Variants in ARIH2 observed in about 807,000 individuals in gnomAD.
ARIH2 encodes the protein E3 ubiquitin-protein ligase ARIH2.
ARIH2 carries 12 observed loss-of-function variants against 79.8 expected under a neutral mutation model. That is an observed-to-expected ratio of 0.15 (90% CI 0.10 to 0.24). The LOEUF is 0.24. ARIH2 is among the 10% of genes least tolerant of loss of function. ARIH2 has a pLI of 1.00. For synonymous variants in ARIH2, 224 were observed against 213.9 expected (o/e 1.05, Z -0.41); for missense variants, 301 against 618.3 (o/e 0.49, Z 5.44).
intron 3 of ARIH2, among the ~76,000 whole-genome samples, chr3:48,930,016 A>G (rs2086158673): frequency 2.0e-5 from 3 of 152,206 alleles, no homozygotes; most frequent in South Asian, 2.1e-4. Context: ...GCAAAGAGGA[A>G]AATAATCCAC....
chr3:48,924,466 G>A lies in ARIH2; in HGVS notation c.-98+1655G>A, dbSNP rs537972140. On this transcript the variant is annotated intron_variant, in intron 2 of 15. Transcript: ENST00000356401. ...ACCTTCCAGGCCCAAGCAGTTCTTC[G>A]ATGTAGCCAGGACTACAGACGCATG... 2.2e-4 allele frequency among the ~76,000 whole-genome samples: 33 copies of A among 151,034 alleles called. No homozygotes were observed. The South Asian group carries it at 2.7e-3, about 13-fold the overall frequency.
intron 11 of ARIH2, among the ~76,000 whole-genome samples, chr3:48,976,528 C>T (rs1321337490): frequency 6.6e-6 from 1 of 152,096 alleles, no homozygotes; most frequent in Non-Finnish European, 1.5e-5. Flanking sequence ...CCCTCTCAAT[C>T]AGAGTGGTCA....
At chr3:48,981,385 C>G (rs2092746672) in intron 13 of ARIH2, among the ~76,000 whole-genome samples, 2 of 152,028 alleles carry the variant, frequency 1.3e-5, no homozygotes, top group African/African-American at 4.8e-5. Context: ...TGTGTTGACT[C>G]TGATGTCCTA....
chr3:48,949,242 T>C, intron 3 of ARIH2: 1 of 378,206 alleles, frequency 2.6e-6, no homozygotes, highest in Non-Finnish European at 5.3e-6. Context: ...CTCAGCCTCC[T>C]GAGTAGCTGG....
intron 11 of ARIH2, among the ~76,000 whole-genome samples, chr3:48,976,506 C>T (rs546536627): frequency 2.6e-5 from 4 of 152,232 alleles, no homozygotes; most frequent in East Asian, 1.9e-4. Flanking sequence ...CCACCGCTCC[C>T]GGCCCCAGGA....
chr3:48,931,546 C>T (rs2086362043), intron 3 of ARIH2, among the ~76,000 whole-genome samples: 2 of 148,210 alleles, frequency 1.3e-5, no homozygotes, highest in Non-Finnish European at 3.0e-5. Context: ...GAGACTCTGT[C>T]TCAAAAAAAA....
At chr3:48,951,042 A>G (rs953499374) in intron 3 of ARIH2, among the ~76,000 whole-genome samples, 1 of 151,202 alleles carries the variant, frequency 6.6e-6, no homozygotes, top group African/African-American at 2.4e-5. Flanking sequence ...GGTTCACTGC[A>G]ACCTCAACCT....
At chr3:48,949,063 T>C (rs972446385) in intron 3 of ARIH2, 1 of 456,640 alleles carries the variant, frequency 2.2e-6, no homozygotes, top group African/African-American at 2.0e-5. Context: ...TTCTCTTGTA[T>C]AGATAACTAG....
chr3:48,956,167 C>G (rs1380821344), intron 3 of ARIH2, among the ~76,000 whole-genome samples: 3 of 150,338 alleles, frequency 2.0e-5, no homozygotes, highest in Admixed American at 6.7e-5. Context: ...GAGACGGAGT[C>G]TCACTCTGTC....
At chr3:48,953,037 C>A (rs1001525220) in intron 3 of ARIH2, among the ~76,000 whole-genome samples, 4 of 152,006 alleles carry the variant, frequency 2.6e-5, no homozygotes, top group African/African-American at 9.7e-5. Context: ...TCAACCGATT[C>A]TCATACTTCA....
At chr3:48,971,009 T>C (rs2092196699) in intron 8 of ARIH2, among the ~76,000 whole-genome samples, 1 of 152,230 alleles carries the variant, frequency 6.6e-6, no homozygotes, top group Non-Finnish European at 1.5e-5. Context: ...TAATCACATA[T>C]TACTGTGTTT....
intron 14 of ARIH2, among the ~76,000 whole-genome samples, chr3:48,982,245 ACATTGTGTATATAT>A (rs2092775661): frequency 6.6e-6 from 1 of 152,218 alleles, no homozygotes; most frequent in Non-Finnish European, 1.5e-5. Flanking sequence ...TTTAAAATTA[ACATTGTGTATATAT>A]AATCAAGGTT....
chr3:48,939,757 C>CA (rs1190260583), intron 3 of ARIH2, among the ~76,000 whole-genome samples: 557 of 42,910 alleles, frequency 0.013, 9 homozygotes, highest in East Asian at 0.049. Context: ...GACTCCATCT[C>CA]AAAAAAAAAA....
intron 3 of ARIH2, among the ~76,000 whole-genome samples, chr3:48,951,723 A>G (rs543946529): frequency 6.6e-6 from 1 of 152,094 alleles, no homozygotes; most frequent in East Asian, 1.9e-4. Context: ...TATTCATAAC[A>G]TTTTCTTATT....
At chr3:48,982,776 G>A in intron 14 of ARIH2, 120 bp from the exon 15 acceptor site, 3 of 732,746 alleles carry the variant, frequency 4.1e-6, no homozygotes, top group Non-Finnish European at 4.9e-6. Context: ...TCTGAGGACA[G>A]TATCAGGATT....
chr3:48,946,360 T>C (rs753770521), intron 3 of ARIH2, among the ~76,000 whole-genome samples: 42 of 151,894 alleles, frequency 2.8e-4, no homozygotes, highest in Non-Finnish European at 5.3e-4. Context: ...TGGTAACTAC[T>C]GAACATGTTT....
intron 3 of ARIH2, among the ~76,000 whole-genome samples, chr3:48,942,157 T>A (rs540481181): frequency 2.4e-4 from 37 of 151,720 alleles, no homozygotes; most frequent in Non-Finnish European, 4.6e-4. Flanking sequence ...TTCAAGCAAT[T>A]CTCCTGCTTC....
At chr3:48,932,546 T>C (rs1176039652) in intron 3 of ARIH2, among the ~76,000 whole-genome samples, 1 of 152,232 alleles carries the variant, frequency 6.6e-6, no homozygotes, top group East Asian at 1.9e-4. Flanking sequence ...TTTTCAGTTA[T>C]TCAGTGAGTC....
At chr3:48,962,040 C>T (rs1424419484) in intron 4 of ARIH2, among the ~76,000 whole-genome samples, 1 of 152,110 alleles carries the variant, frequency 6.6e-6, no homozygotes, top group African/African-American at 2.4e-5. Context: ...GATACGTCAA[C>T]TTGAGGATTG....
Sources: gnomAD v4.1 joint callset for allele counts (sites outside exome capture counted in the v4.1 genomes callset) on GRCh38, gnomAD v4.1.1 for gene constraint, MANE v1.5 for transcripts, NCBI Gene and HGNC (gene_info 2026-07-23, HGNC 2026-07-21) for gene names.